FHIT: variants seen among roughly 807,000 people sequenced by gnomAD.
The protein encoded by FHIT is fragile histidine triad diadenosine triphosphatase.
A neutral mutation model predicts 17.9 loss-of-function variants in FHIT; 19 were observed. That is an observed-to-expected ratio of 1.06 (90% CI 0.74 to 1.56). The LOEUF is 1.56. FHIT is among the 40% of genes most tolerant of loss of function. The pLI is 0.00. For synonymous variants in FHIT, 81 were observed against 69.7 expected (o/e 1.16, Z -0.81); for missense variants, 248 against 189.2 (o/e 1.31, Z -1.82).
At chr3:60,930,927 C>T (rs182520669) in intron 3 of FHIT, among the ~76,000 whole-genome samples, 106 of 152,244 alleles carry the variant, frequency 7.0e-4, no homozygotes, top group African/African-American at 2.1e-3. Context: ...GTGTTTATTG[C>T]GGCACTATTT....
At chr3:60,949,655 C>T (rs1485379157) in intron 3 of FHIT, among the ~76,000 whole-genome samples, 3 of 152,170 alleles carry the variant, frequency 2.0e-5, no homozygotes, top group Non-Finnish European at 4.4e-5. Context: ...TTGCATCTTG[C>T]AGATATAATG....
chr3:59,987,109 T>G (rs953899666), intron 7 of FHIT, among the ~76,000 whole-genome samples: 2 of 138,512 alleles, frequency 1.4e-5, no homozygotes, highest in Non-Finnish European at 1.6e-5. Context: ...ATAAAAAATC[T>G]ATATATTTTA....
intron 2 of FHIT, among the ~76,000 whole-genome samples, chr3:61,116,696 T>C (rs544367740): frequency 6.6e-6 from 1 of 152,170 alleles, no homozygotes; most frequent in Non-Finnish European, 1.5e-5. Context: ...AAAGTTAAAG[T>C]ATCTTTCAAA....
intron 2 of FHIT, among the ~76,000 whole-genome samples, chr3:61,181,063 G>C (rs1285929405): frequency 6.6e-6 from 1 of 152,076 alleles, no homozygotes; most frequent in Non-Finnish European, 1.5e-5. Context: ...CAAATACAAG[G>C]AAAGTAAACA....
intron 5 of FHIT, among the ~76,000 whole-genome samples, chr3:60,128,469 A>G (rs1699359462): frequency 6.6e-6 from 1 of 152,216 alleles, no homozygotes; most frequent in Non-Finnish European, 1.5e-5. Context: ...CTGTGAGTCA[A>G]TTAAAACTCT....
intron 5 of FHIT, among the ~76,000 whole-genome samples, chr3:60,071,088 G>C (rs563930503): frequency 6.6e-6 from 1 of 152,104 alleles, no homozygotes; most frequent in Non-Finnish European, 1.5e-5. Context: ...CCCTCATCTA[G>C]CACTGTCTTC....
At chr3:60,579,518 T>A (rs879988576) in intron 4 of FHIT, among the ~76,000 whole-genome samples, 9 of 152,190 alleles carry the variant, frequency 5.9e-5, no homozygotes, top group Non-Finnish European at 1.3e-4. Context: ...TTAATATGTA[T>A]GTTGACAAAC....
intron 4 of FHIT, among the ~76,000 whole-genome samples, chr3:60,543,434 G>A (rs2036250656): frequency 6.6e-6 from 1 of 152,202 alleles, no homozygotes; most frequent in Non-Finnish European, 1.5e-5. Context: ...TGAGGGGAAT[G>A]TGACATCTTC....
chr3:60,082,708 G>A (rs192507219), intron 5 of FHIT, among the ~76,000 whole-genome samples: 1 of 152,086 alleles, frequency 6.6e-6, no homozygotes, highest in Admixed American at 6.6e-5. Flanking sequence ...GTTTGGATTT[G>A]TATTTCTCTG....
At chr3:60,993,940 A>G (rs954784760) in intron 3 of FHIT, among the ~76,000 whole-genome samples, 2 of 152,184 alleles carry the variant, frequency 1.3e-5, no homozygotes, top group Non-Finnish European at 2.9e-5. Context: ...GTGCCTATTG[A>G]GCACCTGAAA....
At chr3:61,102,191 T>G (rs756490069) in intron 2 of FHIT, among the ~76,000 whole-genome samples, 1 of 152,196 alleles carries the variant, frequency 6.6e-6, no homozygotes, top group Non-Finnish European at 1.5e-5. Context: ...GGCTGCGGGT[T>G]TGTCATAAAT....
chr3:61,040,787 T>C (rs949044705), intron 3 of FHIT, among the ~76,000 whole-genome samples: 5 of 152,154 alleles, frequency 3.3e-5, no homozygotes, highest in African/African-American at 1.2e-4. Flanking sequence ...TCAAATCATA[T>C]GGCAACAACA....
Position 60,919,694 on chromosome 3 carries a change from C to A in FHIT, c.-110-97683G>T, listed in dbSNP as rs572953449. The stretch of plus-strand genomic sequence containing the variant: ...ATATTTCAAATACTTACCAGGTCTT[C>A]GAATACTTTACCTGTCTAATCACGA... On this transcript the variant is annotated intron_variant, in intron 3 of 9. Transcript: ENST00000492590. Among the ~76,000 whole-genome samples, 29 of 152,218 alleles carry A rather than the reference C, an allele frequency of 1.9e-4. 1 individual carries two copies. Among genetic ancestry groups the A allele is most frequent in the South Asian group, 1.7e-3 (8 of 4,820 alleles).
intron 4 of FHIT, among the ~76,000 whole-genome samples, chr3:60,646,510 T>C (rs1262470334): frequency 6.6e-6 from 1 of 152,182 alleles, no homozygotes; most frequent in African/African-American, 2.4e-5. Flanking sequence ...CAGATTCAAT[T>C]TCATACAAGT....
At chr3:60,000,952 T>C (rs1699707460) in intron 7 of FHIT, among the ~76,000 whole-genome samples, 2 of 152,162 alleles carry the variant, frequency 1.3e-5, no homozygotes, top group Admixed American at 1.3e-4. Context: ...CCATTTCCTC[T>C]TCCCAGAATG....
chr3:61,037,064 A>G (rs2033290948), intron 3 of FHIT, among the ~76,000 whole-genome samples: 1 of 152,186 alleles, frequency 6.6e-6, no homozygotes, highest in East Asian at 1.9e-4. Flanking sequence ...GGCACCCGCC[A>G]CTGCACCCGG....
At chr3:60,040,728 G>A (rs1354638690) in intron 5 of FHIT, among the ~76,000 whole-genome samples, 1 of 152,164 alleles carries the variant, frequency 6.6e-6, no homozygotes, top group Non-Finnish European at 1.5e-5. Flanking sequence ...GACCATGTAA[G>A]AACTAGAAGG....
chr3:60,931,650 G>A (rs1256797702), intron 3 of FHIT, among the ~76,000 whole-genome samples: 1 of 152,152 alleles, frequency 6.6e-6, no homozygotes, highest in Non-Finnish European at 1.5e-5. Context: ...GGGAGCACCT[G>A]TAAAAGTCCC....
At chr3:60,675,272 A>T (rs2107850295) in intron 4 of FHIT, among the ~76,000 whole-genome samples, 1 of 152,330 alleles carries the variant, frequency 6.6e-6, no homozygotes, top group Middle Eastern at 3.4e-3. Flanking sequence ...CACTACCACC[A>T]TCAACACTTG....
Sources: allele counts gnomAD v4.1 joint callset (sites outside exome capture counted in the v4.1 genomes callset), GRCh38; gene constraint gnomAD v4.1.1; transcripts MANE v1.5; gene names NCBI Gene and HGNC (gene_info 2026-07-23, HGNC 2026-07-21).